GABRR3: variants seen among roughly 807,000 people sequenced by gnomAD.
GABRR3 encodes the protein gamma-aminobutyric acid receptor subunit rho-3.
A neutral mutation model predicts 43.2 loss-of-function variants in GABRR3; 29 were observed. The ratio of observed to expected loss-of-function variants is 0.67; its 90% confidence interval spans 0.50 to 0.92. The LOEUF (loss-of-function observed/expected upper bound fraction) is 0.92. Among genes scored for constraint, GABRR3 ranks in the 40% least tolerant of loss-of-function variants. GABRR3 has a pLI of 0.00. For missense variants in GABRR3, 576 were observed against 572.3 expected (o/e 1.01, Z -0.07); for synonymous variants, 206 against 195.9 (o/e 1.05, Z -0.43).
intron 6 of GABRR3, 68 bp from the exon 7 acceptor site, chr3:98,007,972 A>G: frequency 7.6e-7 from 1 of 1,313,226 alleles, no homozygotes; most frequent in Non-Finnish European, 1.0e-6. Flanking sequence ...TTCTATAACC[A>G]TGTCTTATGT....
chr3:98,017,694 G>A (rs1330249411), exon 4 of GABRR3: 2 of 1,611,110 alleles, frequency 1.2e-6, no homozygotes, highest in East Asian at 2.2e-5. Flanking sequence ...TTTCAACATG[G>A]ACATCTATAC....
intron 3 of GABRR3, among the ~76,000 whole-genome samples, chr3:98,020,419 C>T (rs955822767): frequency 1.5e-5 from 2 of 136,086 alleles, no homozygotes; most frequent in Non-Finnish European, 3.0e-5. Context: ...AGCCACTACT[C>T]CCAATCCTAC....
chr3:97,993,290 A>G (rs1266749679), intron 8 of GABRR3, among the ~76,000 whole-genome samples: 2 of 152,162 alleles, frequency 1.3e-5, no homozygotes. Context: ...TCCTCCATTT[A>G]AAGGCTTCAC....
chr3:98,008,607 G>A (rs1238724323), intron 6 of GABRR3, among the ~76,000 whole-genome samples: 1 of 152,136 alleles, frequency 6.6e-6, no homozygotes, highest in African/African-American at 2.4e-5. Flanking sequence ...ATCTGGGAAC[G>A]TGAATTCCAG....
rs184558431 is a variant in GABRR3 at position 98,020,429 on chromosome 3, C to T, written c.239-2707G>A. ...ATGTAAGCCACTACTCCCAATCCTA[C>T]GCACATTTAGATAATGAGTCCAATC... On this transcript the variant is annotated intron_variant, in intron 3 of 9. Transcript: ENST00000621172. Among the ~76,000 whole-genome samples the T allele has an allele frequency of 2.3e-3, 300 of 132,500 alleles. 2 individuals carry two copies. Among genetic ancestry groups the T allele is most frequent in the African/African-American group, 7.8e-3 (274 of 34,924 alleles). 86.9% of individuals were successfully genotyped at this position (132,500 alleles called of 152,430 possible).
chr3:98,023,536 C>T (rs1023154501), intron 3 of GABRR3, among the ~76,000 whole-genome samples: 4 of 151,858 alleles, frequency 2.6e-5, no homozygotes, highest in Non-Finnish European at 5.9e-5. Context: ...GACCAAGGTA[C>T]AAAATATCTG....
At chr3:98,034,731 A>C in intron 2 of GABRR3, 132 bp downstream of exon 2, 2 of 1,061,630 alleles carry the variant, frequency 1.9e-6, no homozygotes, top group Non-Finnish European at 2.7e-6. Context: ...CATGAATGCT[A>C]TCTCTAGAGA....
chr3:98,025,818 C>A, intron 2 of GABRR3, 139 bp from the exon 3 acceptor site: 1 of 565,796 alleles, frequency 1.8e-6, no homozygotes, highest in South Asian at 2.7e-5. Context: ...TCATATTAAG[C>A]CAAAGAGCTG....
intron 5 of GABRR3, 43 bp from the exon 6 acceptor site, chr3:98,009,081 C>A: frequency 7.7e-7 from 1 of 1,298,052 alleles, no homozygotes; most frequent in Non-Finnish European, 1.1e-6. Context: ...ATCATTTAAC[C>A]ATCTGGCCAA....
intron 7 of GABRR3, among the ~76,000 whole-genome samples, chr3:98,003,785 C>T (rs1706687332): frequency 2.6e-5 from 4 of 152,096 alleles, no homozygotes; most frequent in Admixed American, 2.6e-4. Flanking sequence ...GCTGCACCCC[C>T]TAGCTACCAT....
exon 3 of GABRR3, chr3:98,025,608 T>C (rs1707003715): frequency 6.2e-7 from 1 of 1,613,194 alleles, no homozygotes. Context: ...GTCCTCTATA[T>C]GGAGAAGTTG....
chr3:97,999,863 G>A (rs1407487469), intron 8 of GABRR3: 1 of 152,150 alleles, frequency 6.6e-6, no homozygotes, highest in Non-Finnish European at 1.5e-5. Flanking sequence ...TAGATTTGGA[G>A]AGGATGCCTA....
exon 9 of GABRR3, chr3:97,992,915 C>A (rs376633448): frequency 6.2e-7 from 1 of 1,613,664 alleles, no homozygotes; most frequent in Admixed American, 1.7e-5. Flanking sequence ...CAGCTGCATA[C>A]TCAATGACTG....
At chr3:97,998,436 A>T (rs941651761) in intron 8 of GABRR3, 2 of 152,182 alleles carry the variant, frequency 1.3e-5, no homozygotes, top group Non-Finnish European at 2.9e-5. Flanking sequence ...TATTCAAAGT[A>T]TGAGATAGAC....
rs113667782 is a variant in GABRR3 at position 98,018,835 on chromosome 3, C to T, written c.239-1113G>A. ...TCGAGATTCAAAGATTTAGGCCGGGCGTGGTGGCTCACTCCTGTTATCCCA... is the reference window on the plus strand; with the variant it reads ...TCGAGATTCAAAGATTTAGGCCGGGTGTGGTGGCTCACTCCTGTTATCCCA... On this transcript the variant is annotated intron_variant, in intron 3 of 9. Transcript: ENST00000621172. Among the ~76,000 whole-genome samples the T allele has an allele frequency of 4.5e-3, 688 of 152,112 alleles. 5 individuals are homozygous for T. The highest frequency in any genetic ancestry group is 0.016 in the African/African-American group (656 of 41,502).
chr3:98,005,907 C>T (rs778186132), intron 7 of GABRR3, among the ~76,000 whole-genome samples: 1 of 151,972 alleles, frequency 6.6e-6, no homozygotes, highest in South Asian at 2.1e-4. Flanking sequence ...TATCTATTTA[C>T]AATTTATCAT....
At chr3:98,013,110 G>C (rs1380415563) in intron 4 of GABRR3, among the ~76,000 whole-genome samples, 1 of 152,188 alleles carries the variant, frequency 6.6e-6, no homozygotes, top group African/African-American at 2.4e-5. Context: ...GACAGAGACA[G>C]AATCATCCTC....
chr3:98,015,190 A>T (rs532214919), intron 4 of GABRR3, among the ~76,000 whole-genome samples: 104 of 152,310 alleles, frequency 6.8e-4, no homozygotes, highest in African/African-American at 2.4e-3. Context: ...CAATCATGGA[A>T]GAGCTACTCC....
intron 4 of GABRR3, among the ~76,000 whole-genome samples, chr3:98,013,743 T>C (rs1706840564): frequency 6.6e-6 from 1 of 152,158 alleles, no homozygotes; most frequent in Non-Finnish European, 1.5e-5. Flanking sequence ...TGAATTAGGG[T>C]GAGGGCAAAT....
Sources: allele counts gnomAD v4.1 joint callset (sites outside exome capture counted in the v4.1 genomes callset), GRCh38; gene constraint gnomAD v4.1.1; transcripts MANE v1.5; gene names NCBI Gene and HGNC (gene_info 2026-07-23, HGNC 2026-07-21).